Variants in DROSHA observed in about 807,000 individuals in gnomAD.
DROSHA encodes drosha ribonuclease III, also known as ribonuclease 3.
Under a neutral mutation model 181.9 loss-of-function variants are expected in DROSHA, and 56 were observed. The ratio of observed to expected loss-of-function variants is 0.31; its 90% CI spans 0.25 to 0.38. DROSHA has a LOEUF of 0.38. Ranked by LOEUF, DROSHA falls within the 10% of genes least tolerant of loss-of-function variation. The pLI, the probability that DROSHA is intolerant of heterozygous loss-of-function variation, is 1.00. For missense variants in DROSHA, 1,218 were observed against 1,743.5 expected, an observed-to-expected ratio of 0.70 and a Z score of 5.37; for synonymous variants, 524 against 591.2, an observed-to-expected ratio of 0.89 and a Z score of 1.65.
In DROSHA at chr5:31,409,133, A is replaced by G. The variant is rs773892099; in HGVS notation, c.3777T>C (p.Asn1259=). ...ACTGCTGAAGCTGGGATTTGGGGTC[A>G]TTCCAATCCTGATTCAAAATGAACT... The part of the protein sequence containing the change: ...LKEFILNQDW[N]DPKSQLQQCC... The change falls in exon 33 of 36, where the codon AAT becomes AAC. Residue 1259 remains asparagine, a synonymous_variant. Transcript: ENST00000344624. This position sits in a 1 kb window ranked among gnomAD's most constrained non-coding sequence, Gnocchi z 4.0. 6.2e-7 allele frequency: 1 copy of G among 1,613,942 alleles called. No homozygotes were observed. The highest frequency in any genetic ancestry group is 1.7e-5 in the Admixed American group (1 of 60,022).
At chr5:31,518,143 A>C (rs541810226) in intron 6 of DROSHA, among the ~76,000 whole-genome samples, 127 of 72,432 alleles carry the variant, frequency 1.8e-3, no homozygotes, top group Non-Finnish European at 3.2e-3. Flanking sequence ...AAACCTGTAC[A>C]ACATGTGACT....
chr5:31,433,097 T>G (rs549881958), intron 25 of DROSHA, among the ~76,000 whole-genome samples: 2 of 152,298 alleles, frequency 1.3e-5, no homozygotes, highest in African/African-American at 4.8e-5. Flanking sequence ...CAATATGAGT[T>G]CCACCAGTCC....
At chr5:31,453,793 T>TCCCAGACA (rs1356886863) in intron 20 of DROSHA, among the ~76,000 whole-genome samples, 1 of 152,160 alleles carries the variant, frequency 6.6e-6, no homozygotes. Flanking sequence ...CCATCTTGAA[T>TCCCAGACA]CCCAGACATC....
chr5:31,488,625 C>T (rs900364899), intron 13 of DROSHA, among the ~76,000 whole-genome samples: 4 of 152,040 alleles, frequency 2.6e-5, no homozygotes, highest in African/African-American at 4.8e-5. Flanking sequence ...GTAGCCCTTA[C>T]AAACCATGTT....
chr5:31,527,574 G>A (rs890277853), intron 4 of DROSHA: 1 of 153,302 alleles, frequency 6.5e-6, no homozygotes, highest in African/African-American at 2.4e-5. Flanking sequence ...ATATGGAAGT[G>A]GGGACTCTGA....
At chr5:31,406,341 T>C (rs1044747289) in intron 34 of DROSHA, among the ~76,000 whole-genome samples, 14 of 151,956 alleles carry the variant, frequency 9.2e-5, no homozygotes, top group African/African-American at 3.1e-4. Context: ...TAAAACCCTG[T>C]CTCTACTAAA....
chr5:31,403,112 A>G (rs992129534), intron 35 of DROSHA, among the ~76,000 whole-genome samples: 1 of 152,244 alleles, frequency 6.6e-6, no homozygotes. Context: ...TGACATCTGT[A>G]TTTTGGAAAT....
intron 16 of DROSHA, 104 bp from the exon 17 acceptor site, chr5:31,472,336 G>T: frequency 7.7e-7 from 1 of 1,302,838 alleles, no homozygotes; most frequent in Non-Finnish European, 1.0e-6. Context: ...GGAGGAAAAA[G>T]AGCACATACA....
intron 35 of DROSHA, 41 bp from the exon 36 acceptor site, chr5:31,401,603 T>C: frequency 8.0e-7 from 1 of 1,255,918 alleles, no homozygotes; most frequent in Non-Finnish European, 1.0e-6. Context: ...TAAAATTATA[T>C]TTAATAATCT....
rs550796147 is a variant in DROSHA at position 31,510,124 on chromosome 5, A to G, written c.1432+911T>C. Among the ~76,000 whole-genome samples, 14 of 152,198 alleles carry G rather than the reference A, an allele frequency of 9.2e-5. No homozygotes were observed. In the East Asian group the frequency reaches 2.3e-3, roughly 25 times the overall value. ...AGATTCCATCTCCACAAAAAGAAAAATAATTAATTTTTAAAATAAATTAAT... is the reference window on the plus strand; with the variant it reads ...AGATTCCATCTCCACAAAAAGAAAAGTAATTAATTTTTAAAATAAATTAAT... On this transcript the variant is annotated intron_variant, in intron 9 of 35. Transcript: ENST00000344624.
chr5:31,435,632 A>T, intron 25 of DROSHA, 133 bp downstream of exon 25: 1 of 788,204 alleles, frequency 1.3e-6, no homozygotes, highest in Non-Finnish European at 2.0e-6. Context: ...CCAACAAAAA[A>T]TACTTCCTGG....
At chr5:31,473,102 C>T (rs1420400122) in intron 16 of DROSHA, among the ~76,000 whole-genome samples, 1 of 152,148 alleles carries the variant, frequency 6.6e-6, no homozygotes, top group Non-Finnish European at 1.5e-5. Context: ...CAATCATTAC[C>T]CTCTCCCAGG....
chr5:31,485,037 T>A (rs995294276), intron 14 of DROSHA, 75 bp from the exon 15 acceptor site: 31 of 1,049,634 alleles, frequency 3.0e-5, no homozygotes, highest in African/African-American at 2.9e-4. Context: ...CTTGTTCTTG[T>A]CAAGTGTCTT....
intron 20 of DROSHA, among the ~76,000 whole-genome samples, chr5:31,459,923 T>C (rs1580170356): frequency 6.6e-6 from 1 of 152,110 alleles, no homozygotes; most frequent in South Asian, 2.1e-4. Context: ...TTACAATGTC[T>C]CCGCATTTGG....
At chr5:31,444,014 A>G (rs1476881003) in intron 23 of DROSHA, among the ~76,000 whole-genome samples, 2 of 152,260 alleles carry the variant, frequency 1.3e-5, no homozygotes, top group African/African-American at 2.4e-5. Context: ...ATGGGTGCAC[A>G]TAAGAACAAG....
intron 18 of DROSHA, chr5:31,467,546 A>G (rs1180642085): frequency 6.6e-6 from 1 of 152,214 alleles, no homozygotes; most frequent in Non-Finnish European, 1.5e-5. Flanking sequence ...GATGCCCCCA[A>G]AAAGAGAACT....
chr5:31,501,899 G>A (rs1345433146), intron 11 of DROSHA, among the ~76,000 whole-genome samples: 2 of 152,144 alleles, frequency 1.3e-5, no homozygotes, highest in Non-Finnish European at 2.9e-5. Flanking sequence ...CTGACATTAC[G>A]ATGATCAGGC....
At chr5:31,482,373 G>A (rs1751133082) in intron 16 of DROSHA, among the ~76,000 whole-genome samples, 2 of 152,048 alleles carry the variant, frequency 1.3e-5, no homozygotes, top group South Asian at 4.2e-4. Context: ...GGACCTGGTG[G>A]GGAAGGCAAA....
In DROSHA at chr5:31,464,058, T is replaced by C. The variant is rs918987381; in HGVS notation, c.2574+178A>G. The C allele has an allele frequency of 2.7e-5, 17 of 623,780 alleles. No homozygotes were observed. The South Asian group carries it at 3.4e-4, about 13-fold the overall frequency. 38.6% of individuals were successfully genotyped at this position (623,780 alleles called of 1,614,324 possible). On this transcript the variant is annotated intron_variant, in intron 20 of 35. Transcript: ENST00000344624. The stretch of plus-strand genomic sequence containing the variant: ...TACAACATACACACACACACCAGCA[T>C]CAAAACAGACAACAAAAACAAAATC...
Sources: allele counts gnomAD v4.1 joint callset (sites outside exome capture counted in the v4.1 genomes callset), GRCh38; gene constraint gnomAD v4.1.1; non-coding constraint Gnocchi (gnomAD v3.1); transcripts MANE v1.5; gene names NCBI Gene and HGNC (gene_info 2026-07-23, HGNC 2026-07-21).